The following ACSM3 variants were observed in gnomAD, a reference collection of about 807,000 sequenced individuals.
ACSM3 encodes the protein acyl-coenzyme A synthetase ACSM3, mitochondrial.
A neutral mutation model predicts 74.1 loss-of-function variants in ACSM3; 61 were observed. That is an observed-to-expected ratio of 0.82 (90% CI 0.67 to 1.02). The LOEUF (loss-of-function observed/expected upper bound fraction) is 1.02, where lower values mean the gene tolerates loss of function less well. ACSM3 is among the 50% of genes least tolerant of loss of function. ACSM3 has a pLI of 0.00. For missense variants in ACSM3, 660 were observed against 697.0 expected, an observed-to-expected ratio of 0.95 and a Z score of 0.60; for synonymous variants, 213 against 241.5, an observed-to-expected ratio of 0.88 and a Z score of 1.09.
chr16:20,722,887 T>C (rs904641973), intron 1 of ACSM3, among the ~76,000 whole-genome samples: 5 of 152,208 alleles, frequency 3.3e-5, no homozygotes, highest in Non-Finnish European at 7.3e-5. Context: ...ATTTGTTTTC[T>C]TTTTATTAGT....
chr16:20,752,201 A>G (rs905726853), intron 2 of ACSM3, among the ~76,000 whole-genome samples: 1 of 152,086 alleles, frequency 6.6e-6, no homozygotes, highest in Admixed American at 6.5e-5. Flanking sequence ...CAAAAAAAAA[A>G]AGTGGTCATT....
intron 1 of ACSM3, among the ~76,000 whole-genome samples, chr16:20,676,949 T>C (rs571300555): frequency 2.0e-5 from 3 of 152,066 alleles, no homozygotes; most frequent in African/African-American, 4.8e-5. Flanking sequence ...AGGCAGGACA[T>C]AAAGTGTCAG....
intron 1 of ACSM3, among the ~76,000 whole-genome samples, chr16:20,685,836 C>CA (rs2079542783): frequency 1.8e-5 from 2 of 108,562 alleles, no homozygotes; most frequent in Non-Finnish European, 3.8e-5. Context: ...AAAAAACAAA[C>CA]AAAAAAAAAA....
chr16:20,700,498 G>T (rs2079710200), intron 1 of ACSM3, among the ~76,000 whole-genome samples: 1 of 152,026 alleles, frequency 6.6e-6, no homozygotes, highest in Non-Finnish European at 1.5e-5. Context: ...TAGGGAAAAA[G>T]AACTCCAGGC....
chr16:20,696,550 T>C (rs1412936311), intron 1 of ACSM3, among the ~76,000 whole-genome samples: 2 of 152,264 alleles, frequency 1.3e-5, no homozygotes, highest in African/African-American at 2.4e-5. Flanking sequence ...AGATGTACCA[T>C]GTACAGTTTT....
At chr16:20,741,288 A>G (rs2079917879) in intron 1 of ACSM3, among the ~76,000 whole-genome samples, 1 of 152,224 alleles carries the variant, frequency 6.6e-6, no homozygotes, top group Non-Finnish European at 1.5e-5. Context: ...GTGGTTACTG[A>G]TGGCAAGAAA....
chr16:20,690,986 A>G lies in ACSM3; in HGVS notation c.-190+16164A>G, dbSNP rs748814033. 7 of 1,605,324 alleles carry G rather than the reference A, an allele frequency of 4.4e-6. No individual in the cohort carries two copies. In the Admixed American group the frequency reaches 6.9e-5, roughly 16 times the overall value. ...CTTGTTCTTATATCGCCATCACGGC[A>G]GATCTCTTACCTTCTCCTTTTGAGC... On this transcript the variant is annotated intron_variant, in intron 1 of 3. Coordinates refer to the ACSM3 transcript ENST00000561584.
intron 1 of ACSM3, among the ~76,000 whole-genome samples, chr16:20,675,828 G>A (rs1048088601): frequency 6.6e-6 from 1 of 152,144 alleles, no homozygotes. Context: ...ATTGTAGAAC[G>A]TTCACAGCTC....
intron 1 of ACSM3, among the ~76,000 whole-genome samples, chr16:20,717,977 A>G (rs972393277): frequency 7.4e-5 from 9 of 121,468 alleles, no homozygotes; most frequent in Non-Finnish European, 1.6e-4. Flanking sequence ...AAGAAGAAGA[A>G]GAAGAAGAAG....
At chr16:20,752,329 ACT>A (rs775767528) in intron 2 of ACSM3, among the ~76,000 whole-genome samples, 2 of 151,864 alleles carry the variant, frequency 1.3e-5, no homozygotes, top group Non-Finnish European at 2.9e-5. Context: ...ACATAGTGAG[ACT>A]CTGTCTCTCA....
At chr16:20,792,424 A>G in intron 12 of ACSM3, 89 bp downstream of exon 12, 1 of 1,572,570 alleles carries the variant, frequency 6.4e-7, no homozygotes, top group Non-Finnish European at 8.7e-7. Context: ...AGAATTAACC[A>G]AATGATTCAT....
At chr16:20,777,618 A>G in intron 4 of ACSM3, 38 bp downstream of exon 4, 5 of 1,545,692 alleles carry the variant, frequency 3.2e-6, no homozygotes, top group Non-Finnish European at 3.6e-6. Context: ...GCTTCCCAAA[A>G]GGAAAGGCAA....
intron 2 of ACSM3, among the ~76,000 whole-genome samples, chr16:20,752,330 CTCTG>C (rs2079995276): frequency 6.6e-6 from 1 of 152,090 alleles, no homozygotes; most frequent in Non-Finnish European, 1.5e-5. Flanking sequence ...CATAGTGAGA[CTCTG>C]TCTCTCAAAA....
At chr16:20,710,330 T>C (rs1165164853) in intron 1 of ACSM3, among the ~76,000 whole-genome samples, 2 of 152,198 alleles carry the variant, frequency 1.3e-5, no homozygotes, top group Admixed American at 1.3e-4. Flanking sequence ...CTAGGCATTT[T>C]GGGTTGTATA....
In ACSM3 at chr16:20,741,564, T is replaced by C. The variant is rs553319410; in HGVS notation, c.-189-8346T>C. On this transcript the variant is annotated intron_variant, in intron 1 of 3. Transcript: ENST00000561584. ...TTCGTTGAGGAGGCTGTAGGCCTCC[T>C]CCACGCACTTGCGCTCGTTCATATT... is the stretch of plus-strand genomic sequence containing the variant. 2.4e-5 allele frequency: 34 copies of C among 1,433,970 alleles called. No homozygotes were observed. In the Admixed American group the frequency reaches 3.6e-4, roughly 15 times the overall value. 88.8% of individuals were successfully genotyped at this position (1,433,970 alleles called of 1,614,324 possible).
intron 12 of ACSM3, among the ~76,000 whole-genome samples, chr16:20,793,341 C>T (rs963343148): frequency 2.6e-5 from 4 of 152,060 alleles, no homozygotes; most frequent in Non-Finnish European, 4.4e-5. Context: ...TGGTGGCACA[C>T]GCCTGTAATC....
At chr16:20,731,486 G>A (rs2079830080) in intron 1 of ACSM3, 1 of 210,556 alleles carries the variant, frequency 4.7e-6, no homozygotes, top group Admixed American at 6.0e-5. Context: ...TCCAAGCTTT[G>A]TTCAGAAGCA....
chr16:20,759,281 G>A (rs893532484), upstream of ACSM3, among the ~76,000 whole-genome samples: 37 of 152,176 alleles, frequency 2.4e-4, no homozygotes, highest in African/African-American at 8.0e-4. Flanking sequence ...AAAGGGGCTG[G>A]GTGTGGTGGC....
At chr16:20,740,004 C>A (rs867310252) in intron 1 of ACSM3, among the ~76,000 whole-genome samples, 1 of 152,142 alleles carries the variant, frequency 6.6e-6, no homozygotes, top group African/African-American at 2.4e-5. Flanking sequence ...GTGCCTCACA[C>A]GACACTGTCC....
Sources: gnomAD v4.1 joint callset for allele counts (sites outside exome capture counted in the v4.1 genomes callset) on GRCh38, gnomAD v4.1.1 for gene constraint, MANE v1.5 for transcripts, NCBI Gene and HGNC (gene_info 2026-07-23, HGNC 2026-07-21) for gene names.